Variants in SPHKAP observed in about 807,000 individuals in gnomAD.
SPHKAP encodes the protein A-kinase anchor protein SPHKAP.
Under a neutral mutation model 137.5 loss-of-function variants are expected in SPHKAP, and 67 were observed. The observed-to-expected ratio is 0.49, with a 90% confidence interval of 0.40 to 0.60. The LOEUF (loss-of-function observed/expected upper bound fraction) is 0.60, where lower values mean the gene tolerates loss of function less well. Among genes scored for constraint, SPHKAP ranks in the 20% least tolerant of loss-of-function variants. SPHKAP has a pLI of 0.00. For synonymous variants in SPHKAP, 813 were observed against 785.3 expected (o/e 1.04, Z -0.59); for missense variants, 2,097 against 2,069.3 (o/e 1.01, Z -0.26).
At chr2:228,170,552 C>T (rs1700553156) in intron 1 of SPHKAP, among the ~76,000 whole-genome samples, 1 of 152,098 alleles carries the variant, frequency 6.6e-6, no homozygotes, top group African/African-American at 2.4e-5. Flanking sequence ...TGGCAGCCAT[C>T]AACGTCAAGG....
intron 3 of SPHKAP, among the ~76,000 whole-genome samples, chr2:228,029,869 C>T (rs974902938): frequency 2.6e-5 from 4 of 152,126 alleles, no homozygotes; most frequent in Non-Finnish European, 5.9e-5. Context: ...TACCTTGCTC[C>T]TGGGCATGAC....
chr2:227,999,109 T>G (rs1693748720), intron 7 of SPHKAP, among the ~76,000 whole-genome samples: 1 of 152,208 alleles, frequency 6.6e-6, no homozygotes, highest in South Asian at 2.1e-4. Flanking sequence ...TTGAGTGTGA[T>G]TAAAAATCTC....
At chr2:228,027,114 G>T (rs181036801) in intron 4 of SPHKAP, among the ~76,000 whole-genome samples, 8 of 152,276 alleles carry the variant, frequency 5.3e-5, no homozygotes, top group Admixed American at 3.3e-4. Flanking sequence ...CAAGCCAAGG[G>T]TACAGGTAAA....
At chr2:228,078,289 TTG>T (rs1697248196) in intron 3 of SPHKAP, among the ~76,000 whole-genome samples, 1 of 152,196 alleles carries the variant, frequency 6.6e-6, no homozygotes, top group African/African-American at 2.4e-5. Context: ...AAGAATAGTC[TTG>T]TGTTTGTCCA....
intron 3 of SPHKAP, among the ~76,000 whole-genome samples, chr2:228,074,582 C>T (rs1050042216): frequency 6.6e-6 from 1 of 152,148 alleles, no homozygotes; most frequent in South Asian, 2.1e-4. Context: ...TCAATTAACT[C>T]CACCTGGCCC....
intron 3 of SPHKAP, among the ~76,000 whole-genome samples, chr2:228,043,153 C>G (rs990700734): frequency 3.3e-5 from 5 of 152,028 alleles, no homozygotes; most frequent in Non-Finnish European, 5.9e-5. Flanking sequence ...GACAACAGAT[C>G]CTTTATTATT....
chr2:228,009,373 T>A (rs562765396), intron 7 of SPHKAP, among the ~76,000 whole-genome samples: 1 of 152,286 alleles, frequency 6.6e-6, no homozygotes, highest in South Asian at 2.1e-4. Flanking sequence ...CTGCTTAGAG[T>A]TATATTTCTT....
chr2:228,097,103 A>G (rs1226271971), intron 3 of SPHKAP, among the ~76,000 whole-genome samples: 1 of 152,220 alleles, frequency 6.6e-6, no homozygotes, highest in Non-Finnish European at 1.5e-5. Context: ...TTATGTAGTC[A>G]GTATCCTTGA....
chr2:228,069,719 G>A (rs1243793838), intron 3 of SPHKAP, among the ~76,000 whole-genome samples: 5 of 151,950 alleles, frequency 3.3e-5, no homozygotes, highest in Non-Finnish European at 5.9e-5. Flanking sequence ...CACAGATAAC[G>A]GGTACACAGA....
At chr2:228,091,892 A>G (rs1697748119) in intron 3 of SPHKAP, among the ~76,000 whole-genome samples, 1 of 152,140 alleles carries the variant, frequency 6.6e-6, no homozygotes. Context: ...TAGAACTACC[A>G]TTTGATCCAG....
intron 4 of SPHKAP, chr2:228,025,793 A>G: frequency 3.5e-6 from 3 of 848,326 alleles, no homozygotes; most frequent in Non-Finnish European, 4.3e-6. Context: ...AAACATTATG[A>G]TAGTAATTAC....
intron 2 of SPHKAP, among the ~76,000 whole-genome samples, chr2:228,115,373 T>G (rs1157977944): frequency 6.6e-6 from 1 of 152,086 alleles, no homozygotes; most frequent in Non-Finnish European, 1.5e-5. Context: ...TTCCAGTGCC[T>G]GAAAGAAACC....
intron 11 of SPHKAP, among the ~76,000 whole-genome samples, chr2:227,988,227 T>C (rs564962012): frequency 3.3e-5 from 5 of 152,196 alleles, no homozygotes; most frequent in Non-Finnish European, 5.9e-5. Context: ...GGTACTCGTA[T>C]TCGTGGAAAA....
intron 1 of SPHKAP, among the ~76,000 whole-genome samples, chr2:228,149,671 C>G (rs556177625): frequency 6.6e-6 from 1 of 152,148 alleles, no homozygotes; most frequent in South Asian, 2.1e-4. Context: ...AGATTTATTC[C>G]TAGAAATTTC....
intron 2 of SPHKAP, among the ~76,000 whole-genome samples, chr2:228,127,639 G>C (rs12620534): frequency 0.34 from 51,982 of 151,982 alleles, 9,170 homozygotes; most frequent in East Asian, 0.51. Flanking sequence ...CAATTCAAAT[G>C]TTGATCATCC....
intron 3 of SPHKAP, among the ~76,000 whole-genome samples, chr2:228,072,575 C>T (rs1042312510): frequency 6.6e-6 from 1 of 152,118 alleles, no homozygotes; most frequent in African/African-American, 2.4e-5. Context: ...TTCCCCTTTT[C>T]TCTGGGTGGG....
chr2:228,085,262 T>C (rs1310765381), intron 3 of SPHKAP, among the ~76,000 whole-genome samples: 1 of 152,236 alleles, frequency 6.6e-6, no homozygotes, highest in African/African-American at 2.4e-5. Context: ...GTCAGGTTTA[T>C]TTTTGTTTGC....
chr2:228,113,938 G>A (rs1057275501), intron 2 of SPHKAP, among the ~76,000 whole-genome samples: 1 of 151,990 alleles, frequency 6.6e-6, no homozygotes, highest in South Asian at 2.1e-4. Flanking sequence ...AGCAATTTTA[G>A]CCTGTGAAAA....
intron 1 of SPHKAP, among the ~76,000 whole-genome samples, chr2:228,135,274 C>CAAAAAAAAA (rs11435994): frequency 2.1e-5 from 2 of 95,410 alleles, no homozygotes; most frequent in African/African-American, 4.2e-5. Context: ...AACTCTGTCT[C>CAAAAAAAAA]AAAAAAAAAA....
Sources: allele counts gnomAD v4.1 joint callset (sites outside exome capture counted in the v4.1 genomes callset), GRCh38; gene constraint gnomAD v4.1.1; transcripts MANE v1.5; gene names NCBI Gene and HGNC (gene_info 2026-07-23, HGNC 2026-07-21).